The following SEMA4A variants were observed in gnomAD, a reference collection of about 807,000 sequenced individuals.
The protein encoded by SEMA4A is semaphorin-4A.
In SEMA4A, 52 loss-of-function variants were observed where a neutral mutation model predicts 72.5. The observed-to-expected ratio is 0.72, with a 90% CI of 0.57 to 0.90. The LOEUF (loss-of-function observed/expected upper bound fraction) is 0.90. Ranked by LOEUF, SEMA4A falls within the 40% of genes least tolerant of loss-of-function variation. The probability of loss-of-function intolerance (pLI) is 0.00; values close to 1 mark genes in which losing one functional copy is unlikely to be tolerated. For missense variants in SEMA4A, 926 were observed against 959.7 expected, an observed-to-expected ratio of 0.96 and a Z score of 0.46; for synonymous variants, 369 against 393.1, an observed-to-expected ratio of 0.94 and a Z score of 0.73.
In SEMA4A at chr1:156,167,382, T is replaced by G. The variant is rs374168788; in HGVS notation, c.1134+4288T>G. 2.3e-4 allele frequency among the ~76,000 whole-genome samples: 34 copies of G among 147,554 alleles called. No homozygotes were observed. The East Asian group carries it at 6.5e-3, about 28-fold the overall frequency. ...CCACGTGCCTGTAGTCCTAGCTACT[T>G]GGAAGGGTGAAGTAGGAGGATCACT... On this transcript the variant is annotated intron_variant, in intron 10 of 14. Transcript: ENST00000368285.
chr1:156,177,083 C>T lies in SEMA4A; in HGVS notation c.*86C>T. On this transcript the variant is annotated 3_prime_UTR_variant, in exon 15 of 15. Transcript: ENST00000368285. Reference sequence around the variant, plus strand: ...AGCACAGCCCTGACTAGGATGACAGCAGCACAAAAGACCACCTTTCTCCCC... The same window carrying T: ...AGCACAGCCCTGACTAGGATGACAGTAGCACAAAAGACCACCTTTCTCCCC... The T allele has an allele frequency of 8.3e-7, 1 of 1,202,808 alleles. No homozygotes were observed. The allele number at this position is 1,202,808 out of a possible 1,614,324, so 74.5% of individuals were successfully genotyped here. A position where few individuals can be genotyped will look rare whatever the true frequency, so the allele number is the denominator to read the frequency against.
chr1:156,156,304 G>T (rs1653019721), intron 2 of SEMA4A, 110 bp from the exon 3 acceptor site: 9 of 993,318 alleles, frequency 9.1e-6, no homozygotes, highest in Non-Finnish European at 1.4e-5. Context: ...AGCTGCCAAG[G>T]CCTGGGGAGC....
Position 156,176,962 on chromosome 1 carries a change from G to A in SEMA4A, c.2251G>A (p.Ala751Thr), listed in dbSNP as rs747089050. ...ECRTSASDVD[A>T]DNNCLGTEVA ...CAGGACCTCTGCCAGTGATGTGGAC[G>A]CTGACAACAACTGCCTAGGCACTGA... The change falls in exon 15 of 15, where the codon GCT becomes ACT. Residue 751 changes from alanine to threonine, a missense_variant. Coordinates refer to ENST00000368285, the MANE Select transcript of SEMA4A (RefSeq NM_022367.4). 64 of 1,612,840 alleles carry A rather than the reference G, an allele frequency of 4.0e-5. No individual in the cohort carries two copies. The highest frequency in any genetic ancestry group is 5.0e-5 in the Non-Finnish European group (59 of 1,180,044).
chr1:156,168,451 T>C (rs1432644380), intron 10 of SEMA4A, among the ~76,000 whole-genome samples: 1 of 152,032 alleles, frequency 6.6e-6, no homozygotes, highest in Non-Finnish European at 1.5e-5. Flanking sequence ...CTCGAACTCC[T>C]GACCTCAGGC....
chr1:156,177,424 T>A lies in SEMA4A; in HGVS notation c.*427T>A, dbSNP rs1222926640. 1.1e-5 allele frequency: 3 copies of A among 274,256 alleles called. No individual in the cohort carries two copies. The Admixed American group carries it at 1.5e-4, about 14-fold the overall frequency. 17.0% of individuals were successfully genotyped at this position (274,256 alleles called of 1,614,324 possible). A position where few individuals can be genotyped will look rare whatever the true frequency, so the allele number is the denominator to read the frequency against. On this transcript the variant is annotated 3_prime_UTR_variant, in exon 15 of 15. Transcript: ENST00000368285. ...AACATGCCACTCCTGGAAACTCCAC[T>A]CTGAAGCTGCCGCTTTGGACACCAA...
intron 3 of SEMA4A, 131 bp downstream of exon 3, chr1:156,156,705 T>C (rs778121821): frequency 3.5e-6 from 3 of 850,634 alleles, no homozygotes; most frequent in Non-Finnish European, 5.7e-6. Flanking sequence ...TTTATATGTA[T>C]ATCGTGACAA....
rs2103014558 is a variant in SEMA4A at position 156,176,582 on chromosome 1, G to T, written c.1871G>T (p.Cys624Phe). 6.2e-7 allele frequency: 1 copy of T among 1,614,172 alleles called. No homozygotes were observed. Among genetic ancestry groups the T allele is most frequent in the Admixed American group, 1.7e-5 (1 of 60,022 alleles). ...GATGGAGTTGGGGGTCTCTACCAGT[G>T]CTGGGCAACTGAGAATGGCTTTTCA... ...VQDGVGGLYQ[C>F]WATENGFSYP... The change falls in exon 15 of 15, where the codon TGC becomes TTC. Residue 624 changes from cysteine to phenylalanine, a missense_variant. By Grantham distance (205) the Cys-to-Phe change is radical. Transcript: ENST00000368285.
At chr1:156,151,111 G>A (rs756992135), upstream of SEMA4A, among the ~76,000 whole-genome samples, 1 of 152,238 alleles carries the variant, frequency 6.6e-6, no homozygotes, top group African/African-American at 2.4e-5. Context: ...TACCCTGTCA[G>A]CCCTGAGCTT....
chr1:156,172,664 T>C (rs555833961), intron 10 of SEMA4A, among the ~76,000 whole-genome samples, 162 bp from the exon 11 acceptor site: 46 of 152,292 alleles, frequency 3.0e-4, no homozygotes, highest in Non-Finnish European at 5.4e-4. Context: ...ATGCAGAGGC[T>C]GGGACGCACA....
At chr1:156,171,755 T>TTTAA (rs113255515) in intron 10 of SEMA4A, among the ~76,000 whole-genome samples, 29 of 151,256 alleles carry the variant, frequency 1.9e-4, no homozygotes, top group African/African-American at 5.6e-4. Context: ...TTTTGTATTT[T>TTTAA]TTAATTAATT....
chr1:156,148,498 T>A (rs1455496078), upstream of SEMA4A, among the ~76,000 whole-genome samples: 1 of 152,190 alleles, frequency 6.6e-6, no homozygotes, highest in Non-Finnish European at 1.5e-5. Context: ...CCAGCTCAGA[T>A]ATGAAGGGGA....
chr1:156,161,334 CT>C lies in SEMA4A; in HGVS notation c.811-11del, dbSNP rs753180250. On this transcript the variant is annotated splice_polypyrimidine_tract_variant and intron_variant, in intron 8 of 14. Transcript: ENST00000368285. ...CGCCCGGGGCGCCCCCTGACTCCCC[CT>C]GTGCCCCCAGAATGACGTGGGCGGC... is the stretch of plus-strand genomic sequence containing the variant. The C allele has an allele frequency of 4.0e-6, 6 of 1,498,972 alleles. No homozygotes were observed. The highest frequency in any genetic ancestry group is 2.2e-5 in the South Asian group (2 of 89,206). 92.9% of individuals were successfully genotyped at this position (1,498,972 alleles called of 1,614,324 possible). A position where few individuals can be genotyped will look rare whatever the true frequency, so the allele number is the denominator to read the frequency against.
At position 156,176,743 on chromosome 1, in the gene SEMA4A, C is replaced by G. The variant is rs1201154698; in HGVS notation, c.2032C>G (p.Gln678Glu). Residue 678 changes from glutamine to glutamate, a missense_variant, in exon 15 of 15, where the codon CAG (glutamine) becomes GAG (glutamate). Physicochemically the swap from Gln to Glu is conservative, Grantham distance 29. Coordinates refer to ENST00000368285, the MANE Select transcript of SEMA4A (RefSeq NM_022367.4). ...TGGTGGGGCCGCCCTGGCTGCCCAG[C>G]AGTCCTACTGGCCCCACTTTGTCAC... ...VSGGAALAAQ[Q>E]SYWPHFVTVT... is the part of the protein sequence containing the mutation. 1 of 1,612,748 alleles carries G rather than the reference C, an allele frequency of 6.2e-7. No homozygotes were observed. The highest frequency in any genetic ancestry group is 1.3e-5 in the African/African-American group (1 of 74,908).
rs552696817 is a variant in SEMA4A, at chr1:156,172,912, G to C, written c.1221G>C (p.Leu407=). 1.9e-6 allele frequency: 3 copies of C among 1,614,184 alleles called. No individual in the cohort carries two copies. The highest frequency in any genetic ancestry group is 2.2e-5 in the South Asian group (2 of 91,068). Reference sequence around the variant, plus strand: ...ATGAGCAAGTGGTGGGGACGCCCCTGCTGGTGAAATCTGGCGTGGAGTATA... The same window carrying C: ...ATGAGCAAGTGGTGGGGACGCCCCTCCTGGTGAAATCTGGCGTGGAGTATA... ...LMDEQVVGTP[L]LVKSGVEYTR... is the part of the protein sequence containing the mutation. The change falls in exon 11 of 15, where the codon CTG becomes CTC. Residue 407 remains leucine, a synonymous_variant. Transcript: ENST00000368285.
chr1:156,171,902 C>A (rs1420714471), intron 10 of SEMA4A, among the ~76,000 whole-genome samples: 2 of 146,114 alleles, frequency 1.4e-5, no homozygotes. Context: ...TCCTGTCTCG[C>A]CTTCCCGAGT....
chr1:156,171,766 A>T (rs1429606704), intron 10 of SEMA4A, among the ~76,000 whole-genome samples: 6 of 151,072 alleles, frequency 4.0e-5, no homozygotes, highest in East Asian at 1.9e-4. Context: ...TTAATTAATT[A>T]ATTAATTAAT....
chr1:156,175,518 C>A, intron 13 of SEMA4A, 38 bp from the exon 14 acceptor site: 2 of 1,535,060 alleles, frequency 1.3e-6, no homozygotes, highest in Non-Finnish European at 1.8e-6. Context: ...ACTTTCAGCT[C>A]TTTTGAAGGA....
upstream of SEMA4A, among the ~76,000 whole-genome samples, chr1:156,147,852 C>T (rs1353092468): frequency 6.6e-6 from 1 of 152,216 alleles, no homozygotes; most frequent in Non-Finnish European, 1.5e-5. Flanking sequence ...CTCTCTCTCC[C>T]TCTCCACCCC....
chr1:156,158,067 C>A lies in SEMA4A; in HGVS notation c.301-3C>A. 1 of 1,614,128 alleles carries A rather than the reference C, an allele frequency of 6.2e-7. No individual in the cohort carries two copies. The highest frequency in any genetic ancestry group is 8.5e-7 in the Non-Finnish European group (1 of 1,180,014). On this transcript the variant is annotated splice_polypyrimidine_tract_variant and splice_region_variant and intron_variant, in intron 3 of 14. Coordinates refer to ENST00000368285, the MANE Select transcript of SEMA4A (RefSeq NM_022367.4). ...TCTCGCCCTCCCAACTCCCCACTTT[C>A]AGATACCGTGGCCAGCCAGTGACAG...
Sources: allele counts gnomAD v4.1 joint callset (sites outside exome capture counted in the v4.1 genomes callset), GRCh38; gene constraint gnomAD v4.1.1; transcripts MANE v1.5; gene names NCBI Gene and HGNC (gene_info 2026-07-23, HGNC 2026-07-21).